DPYS: variants seen among roughly 807,000 people sequenced by gnomAD.
DPYS encodes the protein dihydropyrimidinase.
Under a neutral mutation model 50.3 loss-of-function variants are expected in DPYS, and 39 were observed. That is an observed-to-expected ratio of 0.78 (90% CI 0.60 to 1.01). The LOEUF is 1.01. DPYS is among the 50% of genes least tolerant of loss of function. The pLI is 0.00. For synonymous variants in DPYS, 245 were observed against 250.7 expected, an observed-to-expected ratio of 0.98 and a Z score of 0.22; for missense variants, 659 against 680.9, an observed-to-expected ratio of 0.97 and a Z score of 0.36.
Position 104,381,049 on chromosome 8 carries a change from T to G in DPYS, c.*14+135A>C, listed in dbSNP as rs1396582165. 4.0e-6 allele frequency: 3 copies of G among 757,826 alleles called. No individual in the cohort carries two copies. The South Asian group carries it at 4.5e-5, about 11-fold the overall frequency. 46.9% of individuals were successfully genotyped at this position (757,826 alleles called of 1,614,324 possible). On this transcript the variant is annotated intron_variant, in intron 9 of 9. Coordinates refer to ENST00000351513, the MANE Select transcript of DPYS (RefSeq NM_001385.3). The stretch of plus-strand genomic sequence containing the variant: ...CTAAATGTTCTGCTTTGATCAATCT[T>G]CCCTTGGCTCAATTGTCCTTGAGTC...
chr8:104,381,069 T>G, intron 9 of DPYS, 115 bp downstream of exon 9: 1 of 875,082 alleles, frequency 1.1e-6, no homozygotes, highest in Non-Finnish European at 1.9e-6. Context: ...CAATTGTCCT[T>G]GAGTCTTGGA....
intron 7 of DPYS, chr8:104,419,756 A>C (rs906967819): frequency 6.6e-6 from 1 of 152,258 alleles, no homozygotes; most frequent in African/African-American, 2.4e-5. Flanking sequence ...TCAAAAACAG[A>C]GTCAGAGAAA....
intron 7 of DPYS, among the ~76,000 whole-genome samples, chr8:104,393,889 T>G (rs1313127369): frequency 6.6e-6 from 1 of 152,156 alleles, no homozygotes; most frequent in Non-Finnish European, 1.5e-5. Flanking sequence ...ATTTGTGAGA[T>G]TTTGGTGCAC....
chr8:104,423,801 A>T (rs775104506), intron 7 of DPYS: 8 of 180,840 alleles, frequency 4.4e-5, no homozygotes, highest in Non-Finnish European at 7.4e-5. Flanking sequence ...CTGAAGATGA[A>T]CTCAACTGGA....
intron 7 of DPYS, among the ~76,000 whole-genome samples, chr8:104,401,145 G>GA (rs2140543382): frequency 6.6e-6 from 1 of 152,058 alleles, no homozygotes; most frequent in South Asian, 2.1e-4. Flanking sequence ...GTTGCCATGA[G>GA]AAACAAAAAA....
In DPYS at chr8:104,439,068, A is replaced by G. The variant is rs190862436; in HGVS notation, c.793+5180T>C. On this transcript the variant is annotated intron_variant, in intron 4 of 9. Transcript: ENST00000351513. ...TGTGAGATCCTGCCTCTTAAATAAA[A>G]AAAAAAAAAGGAATACCTAAAACAG... 1.3e-4 allele frequency among the ~76,000 whole-genome samples: 20 copies of G among 152,072 alleles called. No individual in the cohort carries two copies. The East Asian group carries it at 3.7e-3, about 28-fold the overall frequency.
rs1431219032 is a variant in DPYS at position 104,466,883 on chromosome 8, C to T, written c.38G>A (p.Arg13His). 2.0e-6 allele frequency: 3 copies of T among 1,515,736 alleles called. No homozygotes were observed. The highest frequency in any genetic ancestry group is 2.6e-5 in the East Asian group (1 of 38,546). The allele number at this position is 1,515,736 out of a possible 1,614,324, so 93.9% of individuals were successfully genotyped here. ...APSRLLIRGGRVVNDDFSEVA... is the reference protein window; with the variant it reads ...APSRLLIRGGHVVNDDFSEVA... ...CTCCGAGAAGTCATCGTTGACCACG[C>T]GACCCCCGCGGATCAGGAGCCGCGA... is the stretch of plus-strand genomic sequence containing the variant. Residue 13 changes from arginine to histidine, a missense_variant, in exon 1 of 10, where the codon CGC becomes CAC. Physicochemically the swap from Arg to His is conservative, Grantham distance 29 (BLOSUM62 0). Transcript: ENST00000351513.
chr8:104,425,339 C>A (rs1050540000), intron 6 of DPYS, among the ~76,000 whole-genome samples: 3 of 151,838 alleles, frequency 2.0e-5, no homozygotes. Flanking sequence ...GGTGATCCTC[C>A]CCACTCTGCC....
chr8:104,384,901 T>A (rs1811163446), intron 8 of DPYS, among the ~76,000 whole-genome samples: 1 of 152,238 alleles, frequency 6.6e-6, no homozygotes, highest in African/African-American at 2.4e-5. Flanking sequence ...TCTTCCTGCA[T>A]CACTGGTCAG....
chr8:104,413,975 A>C (rs1034483285), intron 7 of DPYS, among the ~76,000 whole-genome samples: 3 of 152,166 alleles, frequency 2.0e-5, no homozygotes. Flanking sequence ...CTGGGAATCC[A>C]TATCTGGTGA....
chr8:104,386,921 C>A (rs1490714998), intron 8 of DPYS, among the ~76,000 whole-genome samples: 1 of 152,126 alleles, frequency 6.6e-6, no homozygotes, highest in Non-Finnish European at 1.5e-5. Flanking sequence ...AGCCACCACG[C>A]CTGGCTGGAT....
rs116919232 is a variant in DPYS, at chr8:104,434,739, C to T, written c.794-5038G>A. ...AAATCTAATGCCTAGAGCACAGTAC[C>T]TAGCATGCGCTTGGCATCCAAGAAC... On this transcript the variant is annotated intron_variant, in intron 4 of 9. Transcript: ENST00000351513. Among the ~76,000 whole-genome samples, 473 of 152,286 alleles carry T rather than the reference C, an allele frequency of 3.1e-3. 1 individual carries two copies. Among genetic ancestry groups the T allele is most frequent in the Non-Finnish European group, 6.2e-3 (422 of 68,032 alleles).
At chr8:104,458,146 T>C (rs1188182808) in intron 1 of DPYS, among the ~76,000 whole-genome samples, 1 of 152,134 alleles carries the variant, frequency 6.6e-6, no homozygotes, top group Non-Finnish European at 1.5e-5. Context: ...AGAGCAACAA[T>C]GTGAACACAA....
chr8:104,457,860 A>G (rs138696363), intron 1 of DPYS, among the ~76,000 whole-genome samples: 3 of 152,306 alleles, frequency 2.0e-5, no homozygotes, highest in Non-Finnish European at 2.9e-5. Flanking sequence ...CAGAAACTTA[A>G]GAGTTACTCT....
chr8:104,431,070 C>T (rs1050073059), intron 4 of DPYS, among the ~76,000 whole-genome samples: 2 of 152,154 alleles, frequency 1.3e-5, no homozygotes, highest in East Asian at 1.9e-4. Context: ...TCCAAGGGAA[C>T]GTCTTACAGA....
At chr8:104,393,378 C>T (rs748897292) in intron 7 of DPYS, among the ~76,000 whole-genome samples, 1 of 152,164 alleles carries the variant, frequency 6.6e-6, no homozygotes, top group African/African-American at 2.4e-5. Context: ...ATATCCAGCT[C>T]TATGAAATTT....
At chr8:104,404,129 ATAC>A (rs912929767) in intron 7 of DPYS, among the ~76,000 whole-genome samples, 2 of 151,242 alleles carry the variant, frequency 1.3e-5, no homozygotes, top group Admixed American at 6.6e-5. Context: ...TATGATATCA[ATAC>A]TATTATTATT....
At chr8:104,445,494 T>C (rs1182797398) in intron 3 of DPYS, among the ~76,000 whole-genome samples, 2 of 152,218 alleles carry the variant, frequency 1.3e-5, no homozygotes, top group African/African-American at 4.8e-5. Context: ...GAGGTCATTA[T>C]GCTAAATGAA....
chr8:104,445,760 T>A (rs1813505207), intron 3 of DPYS, among the ~76,000 whole-genome samples: 1 of 152,090 alleles, frequency 6.6e-6, no homozygotes, highest in South Asian at 2.1e-4. Context: ...TAATTGCACC[T>A]TTTGGCCGGG....
Sources: gnomAD v4.1 joint callset for allele counts (sites outside exome capture counted in the v4.1 genomes callset) on GRCh38, gnomAD v4.1.1 for gene constraint, MANE v1.5 for transcripts, NCBI Gene and HGNC (gene_info 2026-07-23, HGNC 2026-07-21) for gene names.